Variants in PRKCE observed in about 807,000 individuals in gnomAD.
PRKCE encodes protein kinase C epsilon.
Under a neutral mutation model 85.4 loss-of-function variants are expected in PRKCE, and 16 were observed. The ratio of observed to expected loss-of-function variants is 0.19; its 90% CI spans 0.13 to 0.28. PRKCE has a LOEUF of 0.28. PRKCE is among the 10% of genes least tolerant of loss of function. The probability of loss-of-function intolerance (pLI) is 1.00; values close to 1 mark genes in which losing one functional copy is unlikely to be tolerated. For missense variants in PRKCE, 573 were observed against 975.2 expected, an observed-to-expected ratio of 0.59 and a Z score of 5.49; for synonymous variants, 388 against 371.5, an observed-to-expected ratio of 1.04 and a Z score of -0.51.
intron 1 of PRKCE, among the ~76,000 whole-genome samples, chr2:45,730,437 T>G (rs1013107008): frequency 2.0e-5 from 3 of 151,456 alleles, no homozygotes; most frequent in Non-Finnish European, 4.4e-5. Flanking sequence ...GGATTACAAC[T>G]GTGAGCCACC....
chr2:45,819,795 A>G (rs1008433997), intron 1 of PRKCE, among the ~76,000 whole-genome samples: 1 of 152,246 alleles, frequency 6.6e-6, no homozygotes, highest in African/African-American at 2.4e-5. Context: ...TAAAGCAATC[A>G]TATTCATTTT....
intron 1 of PRKCE, among the ~76,000 whole-genome samples, chr2:45,750,645 T>C (rs1683483541): frequency 6.6e-6 from 1 of 152,236 alleles, no homozygotes; most frequent in South Asian, 2.1e-4. Context: ...GGGCAAATTA[T>C]TTAATACTGC....
chr2:46,050,411 A>T (rs1460816758), intron 10 of PRKCE, among the ~76,000 whole-genome samples: 1 of 152,228 alleles, frequency 6.6e-6, no homozygotes, highest in East Asian at 1.9e-4. Context: ...AAAGGTGTCT[A>T]ATTTCTGTAA....
chr2:46,023,600 G>C (rs902055003), intron 10 of PRKCE, among the ~76,000 whole-genome samples: 1 of 152,178 alleles, frequency 6.6e-6, no homozygotes, highest in Non-Finnish European at 1.5e-5. Context: ...TTGACCCATA[G>C]CTTGAACTAG....
At chr2:45,791,349 G>A (rs1419305686) in intron 1 of PRKCE, among the ~76,000 whole-genome samples, 1 of 152,212 alleles carries the variant, frequency 6.6e-6, no homozygotes, top group Non-Finnish European at 1.5e-5. Flanking sequence ...AGTGGGGAAA[G>A]CTATAGTGAG....
At chr2:46,042,951 C>T (rs1708299607) in intron 10 of PRKCE, among the ~76,000 whole-genome samples, 1 of 152,192 alleles carries the variant, frequency 6.6e-6, no homozygotes, top group African/African-American at 2.4e-5. Flanking sequence ...CTCTGTGTAG[C>T]TCCCGTCTTT....
Position 45,696,640 on chromosome 2 carries a change from C to T in PRKCE, c.348+44192C>T, listed in dbSNP as rs571373617. ...TTTTCTGAATAAGCAAAATGCATGACGAGTAGCTTTGGAGTCTGTGGCGGT... is the reference window on the plus strand; with the variant it reads ...TTTTCTGAATAAGCAAAATGCATGATGAGTAGCTTTGGAGTCTGTGGCGGT... On this transcript the variant is annotated intron_variant, in intron 1 of 14. Transcript: ENST00000306156. 1.5e-3 allele frequency among the ~76,000 whole-genome samples: 232 copies of T among 152,292 alleles called. 1 individual carries two copies. Among genetic ancestry groups the T allele is most frequent in the Middle Eastern group, 6.8e-3 (2 of 294 alleles).
intron 2 of PRKCE, among the ~76,000 whole-genome samples, chr2:45,912,682 A>C (rs1449177523): frequency 1.3e-5 from 2 of 152,150 alleles, no homozygotes; most frequent in African/African-American, 4.8e-5. Context: ...TTAGAAGCGC[A>C]TCTCACCGAA....
In PRKCE at chr2:46,122,881, G is replaced by GTTT. The variant is rs1244942634; in HGVS notation, c.1593-22191_1593-22189dup. ...GGCTTTTTCTGGCACAACAGTCTGGGTTTTTTTTTTTTTTTTTTTTTTTAG... is the reference window on the plus strand; with the variant it reads ...GGCTTTTTCTGGCACAACAGTCTGGGTTTTTTTTTTTTTTTTTTTTTTTTTTAG... On this transcript the variant is annotated intron_variant, in intron 11 of 14. Coordinates refer to ENST00000306156, the MANE Select transcript of PRKCE (RefSeq NM_005400.3). Among the ~76,000 whole-genome samples, 676 of 117,152 alleles carry GTTT rather than the reference G, an allele frequency of 5.8e-3. 21 individuals carry two copies. The highest frequency in any genetic ancestry group is 0.021 in the African/African-American group (618 of 29,342). The allele number at this position is 117,152 out of a possible 152,430, so 76.9% of individuals were successfully genotyped here.
intron 6 of PRKCE, among the ~76,000 whole-genome samples, chr2:45,993,868 G>A (rs368451444): frequency 9.2e-5 from 14 of 152,154 alleles, no homozygotes; most frequent in African/African-American, 3.4e-4. Context: ...TAGTCAAGTC[G>A]GTGCCATGGC....
At chr2:46,017,158 A>C (rs1265325258) in intron 10 of PRKCE, among the ~76,000 whole-genome samples, 1 of 151,826 alleles carries the variant, frequency 6.6e-6, no homozygotes, top group African/African-American at 2.4e-5. Context: ...CTCCATCTCC[A>C]TGCCTCTTTT....
In PRKCE at chr2:45,774,433, C is replaced by T. The variant is rs1685589301; in HGVS notation, c.349-68567C>T. ...CAGAGGCCTGTACAGGCAAACTCAGCATCAGCACGGCTTTAGAGACCGAGT... is the reference window on the plus strand; with the variant it reads ...CAGAGGCCTGTACAGGCAAACTCAGTATCAGCACGGCTTTAGAGACCGAGT... On this transcript the variant is annotated intron_variant, in intron 1 of 14. Transcript: ENST00000306156. This position sits in a 1 kb window ranked among gnomAD's most constrained non-coding sequence, Gnocchi z 4.3. Among the ~76,000 whole-genome samples, 1 of 152,208 alleles carries T rather than the reference C, an allele frequency of 6.6e-6. No homozygotes were observed.
chr2:45,894,541 C>G (rs1320663615), intron 2 of PRKCE, among the ~76,000 whole-genome samples: 1 of 151,734 alleles, frequency 6.6e-6, no homozygotes, highest in Non-Finnish European at 1.5e-5. Context: ...AGTTACTTAG[C>G]TTACCTGAAA....
At chr2:45,710,865 A>G (rs1679565485) in intron 1 of PRKCE, among the ~76,000 whole-genome samples, 1 of 152,198 alleles carries the variant, frequency 6.6e-6, no homozygotes, top group African/African-American at 2.4e-5. Flanking sequence ...AGGCCAGATG[A>G]CACAACCTGA....
chr2:46,104,729 C>A (rs1671557053), intron 11 of PRKCE, among the ~76,000 whole-genome samples: 1 of 152,160 alleles, frequency 6.6e-6, no homozygotes, highest in Admixed American at 6.5e-5. Flanking sequence ...TAGTCCTTTA[C>A]TAGCAAGGTA....
chr2:45,660,315 C>G (rs1449639972), intron 1 of PRKCE, among the ~76,000 whole-genome samples: 1 of 152,090 alleles, frequency 6.6e-6, no homozygotes, highest in Non-Finnish European at 1.5e-5. Flanking sequence ...TATGAGATCC[C>G]TGAAGATGTT....
Position 45,652,230 on chromosome 2 carries a change from C to G in PRKCE, c.130C>G (p.Leu44Val), listed in dbSNP as rs1675157798. The G allele has an allele frequency of 2.5e-6, 4 of 1,613,486 alleles. No homozygotes were observed. The highest frequency in any genetic ancestry group is 8.5e-7 in the Non-Finnish European group (1 of 1,180,022). Residue 44 changes from leucine to valine, a missense_variant, in exon 1 of 15, where the codon CTC becomes GTC. By Grantham distance (32) the Leu-to-Val change is conservative. Transcript: ENST00000306156. This position sits in a 1 kb window ranked among gnomAD's most constrained non-coding sequence, Gnocchi z 7.7. Reference protein sequence around the residue: ...QTFLLDPYIALNVDDSRIGQT... With the variant: ...QTFLLDPYIAVNVDDSRIGQT... ...TTTCCTTCTCGACCCCTACATTGCC[C>G]TCAATGTGGACGACTCGCGCATCGG...
At chr2:46,095,852 GCAA>G (rs1240610505) in intron 11 of PRKCE, among the ~76,000 whole-genome samples, 1 of 152,236 alleles carries the variant, frequency 6.6e-6, no homozygotes, top group Non-Finnish European at 1.5e-5. Context: ...AATAACAGCA[GCAA>G]CAACAATAAT....
At chr2:46,122,836 G>A (rs1160346243) in intron 11 of PRKCE, among the ~76,000 whole-genome samples, 1 of 151,572 alleles carries the variant, frequency 6.6e-6, no homozygotes, top group African/African-American at 2.4e-5. Context: ...TCAGGAAGTG[G>A]GGGCGCAGTG....
Sources: gnomAD v4.1 joint callset for allele counts (sites outside exome capture counted in the v4.1 genomes callset) on GRCh38, gnomAD v4.1.1 for gene constraint, Gnocchi (gnomAD v3.1) non-coding constraint, MANE v1.5 for transcripts, NCBI Gene and HGNC (gene_info 2026-07-23, HGNC 2026-07-21) for gene names.